The following TXLNB variants were observed in gnomAD, a reference collection of about 807,000 sequenced individuals.
TXLNB encodes the protein taxilin beta.
Under a neutral mutation model 57.4 loss-of-function variants are expected in TXLNB, and 37 were observed. The observed-to-expected ratio is 0.64, with a 90% confidence interval of 0.50 to 0.85. The LOEUF is 0.85. TXLNB is among the 40% of genes least tolerant of loss of function. The pLI is 0.00. For synonymous variants in TXLNB, 302 were observed against 309.6 expected (o/e 0.98, Z 0.26); for missense variants, 848 against 825.6 (o/e 1.03, Z -0.33).
chr6:139,269,943 C>T (rs951137793), intron 4 of TXLNB, among the ~76,000 whole-genome samples: 10 of 152,152 alleles, frequency 6.6e-5, no homozygotes, highest in African/African-American at 2.4e-4. Context: ...AGCTTCAGTG[C>T]TTTTTCCAAT....
chr6:139,248,693 A>G (rs1490796233), intron 7 of TXLNB, among the ~76,000 whole-genome samples: 7 of 152,224 alleles, frequency 4.6e-5, no homozygotes, highest in African/African-American at 1.7e-4. Context: ...CAATGGCTAC[A>G]TAGTCAAGTC....
At chr6:139,316,721 A>C in the TXLNB span, among the ~76,000 whole-genome samples, 9 of 152,382 alleles carry the variant, frequency 5.9e-5, 1 homozygote, top group South Asian at 1.9e-3. Context: ...GAGACATCTG[A>C]GAACAACTAA....
Position 139,284,345 on chromosome 6 carries a change from C to A in TXLNB, c.424+4131G>T, listed in dbSNP as rs944734572. 4.2e-5 allele frequency among the ~76,000 whole-genome samples: 6 copies of A among 144,318 alleles called. 1 individual carries two copies. Among genetic ancestry groups the A allele is most frequent in the African/African-American group, 1.5e-4 (6 of 39,146 alleles). 94.7% of individuals were successfully genotyped at this position (144,318 alleles called of 152,430 possible). ...GAGATCGAGACCATCCTGGCCAACA[C>A]AATGAAACCCCGTCTCTACTAAAAA... On this transcript the variant is annotated intron_variant, in intron 2 of 9. Coordinates refer to ENST00000358430, the MANE Select transcript of TXLNB (RefSeq NM_153235.4).
chr6:139,274,040 G>C (rs988257497), intron 3 of TXLNB, among the ~76,000 whole-genome samples: 3 of 152,014 alleles, frequency 2.0e-5, no homozygotes, highest in Non-Finnish European at 4.4e-5. Flanking sequence ...TTTTTACTAA[G>C]TTAAAAAGTA....
chr6:139,192,280 C>T, the TXLNB span, among the ~76,000 whole-genome samples: 11 of 152,130 alleles, frequency 7.2e-5, no homozygotes, highest in Non-Finnish European at 1.6e-4. Flanking sequence ...AAATAAAATC[C>T]TTGAATACAG....
At chr6:139,311,721 C>T in the TXLNB span, among the ~76,000 whole-genome samples, 1 of 152,106 alleles carries the variant, frequency 6.6e-6, no homozygotes, top group Admixed American at 6.5e-5. Flanking sequence ...AGAACAGGAC[C>T]GCGTCGTCTG....
At chr6:139,171,802 GT>G in the TXLNB span, among the ~76,000 whole-genome samples, 1 of 150,282 alleles carries the variant, frequency 6.7e-6, no homozygotes, top group African/African-American at 2.4e-5. Flanking sequence ...TATTTAATTT[GT>G]TTAAACTTGT....
the TXLNB span, among the ~76,000 whole-genome samples, chr6:139,209,622 T>C: frequency 3.9e-5 from 6 of 152,274 alleles, no homozygotes; most frequent in Admixed American, 3.3e-4. Context: ...GGGGAAAGGA[T>C]ACCCTATTCA....
At chr6:139,209,848 A>G in the TXLNB span, among the ~76,000 whole-genome samples, 2 of 152,316 alleles carry the variant, frequency 1.3e-5, no homozygotes, top group South Asian at 4.1e-4. Flanking sequence ...AAATGCAACA[A>G]AAACAAAAAT....
chr6:139,184,678 G>A, the TXLNB span, among the ~76,000 whole-genome samples: 5 of 152,166 alleles, frequency 3.3e-5, no homozygotes, highest in East Asian at 3.8e-4. Flanking sequence ...TCAAGCTGTC[G>A]GATTTGATAG....
At chr6:139,168,532 A>T in the TXLNB span, among the ~76,000 whole-genome samples, 1 of 151,492 alleles carries the variant, frequency 6.6e-6, no homozygotes, top group African/African-American at 2.4e-5. Flanking sequence ...TTGGAAAAAA[A>T]ATTTTTGCCC....
intron 3 of TXLNB, among the ~76,000 whole-genome samples, chr6:139,273,271 G>A (rs942224107): frequency 6.6e-6 from 1 of 151,982 alleles, no homozygotes; most frequent in Admixed American, 6.6e-5. Flanking sequence ...GCCCAATTGC[G>A]ACACCCCAAA....
At chr6:139,211,227 C>G in the TXLNB span, among the ~76,000 whole-genome samples, 1 of 152,172 alleles carries the variant, frequency 6.6e-6, no homozygotes, top group Non-Finnish European at 1.5e-5. Context: ...GGGAGGCACC[C>G]CCGAGTAGGG....
chr6:139,177,421 A>G, the TXLNB span: 1 of 190,776 alleles, frequency 5.2e-6, no homozygotes, highest in Non-Finnish European at 1.1e-5. This position sits in a 1 kb window ranked among gnomAD's most constrained non-coding sequence, Gnocchi z 4.9. Flanking sequence ...GTGGTTATAA[A>G]CTAAGAGCTT....
the TXLNB span, among the ~76,000 whole-genome samples, chr6:139,189,264 T>G: frequency 9.2e-5 from 14 of 152,230 alleles, no homozygotes; most frequent in Non-Finnish European, 1.6e-4. Flanking sequence ...ATGTTTTTCA[T>G]GTTGCATGTT....
the TXLNB span, among the ~76,000 whole-genome samples, chr6:139,214,562 C>G: frequency 1.3e-5 from 2 of 152,298 alleles, no homozygotes; most frequent in South Asian, 4.1e-4. Flanking sequence ...CCTTTGAAAA[C>G]TGGCAAAAGA....
the TXLNB span, among the ~76,000 whole-genome samples, chr6:139,193,822 T>TTATATATATATATATA: frequency 1.1e-5 from 1 of 92,662 alleles, no homozygotes; most frequent in Non-Finnish European, 2.1e-5. Context: ...CCTGGCTAAT[T>TTATATATATATATATA]TATATATATA....
chr6:139,173,707 C>T, the TXLNB span, among the ~76,000 whole-genome samples: 84 of 152,314 alleles, frequency 5.5e-4, no homozygotes, highest in Non-Finnish European at 1.1e-3. Context: ...ACTAGGATGA[C>T]ATCTTTCCTT....
rs545410136 is a variant in TXLNB at position 139,250,217 on chromosome 6, C to T, written c.1078-2308G>A. Among the ~76,000 whole-genome samples, 9 of 147,766 alleles carry T rather than the reference C, an allele frequency of 6.1e-5. No homozygotes were observed. In the South Asian group the frequency reaches 6.5e-4, roughly 11 times the overall value. ...TTTTTTAACACAGGCTGGTCTCAAA[C>T]GCCTGGCTTCAAGCAATCCTCCTGC... On this transcript the variant is annotated intron_variant, in intron 7 of 9. Coordinates refer to ENST00000358430, the MANE Select transcript of TXLNB (RefSeq NM_153235.4).
Sources: gnomAD v4.1 joint callset for allele counts (sites outside exome capture counted in the v4.1 genomes callset) on GRCh38, gnomAD v4.1.1 for gene constraint, Gnocchi (gnomAD v3.1) non-coding constraint, MANE v1.5 for transcripts, NCBI Gene and HGNC (gene_info 2026-07-23, HGNC 2026-07-21) for gene names.